The following CAMTA2 variants were observed in gnomAD, a reference collection of about 807,000 sequenced individuals.
CAMTA2 encodes calmodulin-binding transcription activator 2.
Under a neutral mutation model 135.7 loss-of-function variants are expected in CAMTA2, and 56 were observed. The ratio of observed to expected loss-of-function variants is 0.41; its 90% CI spans 0.33 to 0.52. CAMTA2 has a LOEUF of 0.52. Ranked by LOEUF, CAMTA2 falls within the 20% of genes least tolerant of loss-of-function variation. The probability of loss-of-function intolerance (pLI) is 0.16; values close to 1 mark genes in which losing one functional copy is unlikely to be tolerated. For missense variants in CAMTA2, 1,358 were observed against 1,553.4 expected (o/e 0.87, Z 2.11); for synonymous variants, 591 against 604.6 (o/e 0.98, Z 0.33).
rs1973041687 is a variant in CAMTA2, at chr17:4,982,799, G to A, written c.297C>T (p.Thr99=). The change falls in exon 5 of 23, where the codon ACC becomes ACT. Residue 99 remains threonine (T), a synonymous_variant. Coordinates refer to ENST00000348066, the MANE Select transcript of CAMTA2 (RefSeq NM_015099.4). Reference sequence around the variant, plus strand: ...TCAGCTTCATGTGGTCCTCTCGGGTGGTCTTCCCATCCTTCCGCTTCTTCC... The same window carrying A: ...TCAGCTTCATGTGGTCCTCTCGGGTAGTCTTCCCATCCTTCCGCTTCTTCC... ...YLWKKRKDGK[T]TREDHMKLKV... The A allele has an allele frequency of 6.2e-7, 1 of 1,614,008 alleles. No individual in the cohort carries two copies. The highest frequency in any genetic ancestry group is 8.5e-7 in the Non-Finnish European group (1 of 1,180,026).
At position 4,968,070 on chromosome 17, in the gene CAMTA2, C is replaced by T. The variant is rs1197179001; in HGVS notation, c.*686G>A. ...AAGTAGAAAGTGCCCGTGGAGCCGG[C>T]AGGAGGCCCCCGCCGCGCTAGAGAA... On this transcript the variant is annotated 3_prime_UTR_variant, in exon 23 of 23. Transcript: ENST00000348066. 2 of 511,630 alleles carry T rather than the reference C, an allele frequency of 3.9e-6. No homozygotes were observed. Among genetic ancestry groups the T allele is most frequent in the Non-Finnish European group, 7.0e-6 (2 of 285,848 alleles). The allele number at this position is 511,630 out of a possible 1,614,324, so 31.7% of individuals were successfully genotyped here.
intron 8 of CAMTA2, 97 bp downstream of exon 8, chr17:4,981,128 C>A: frequency 7.0e-7 from 1 of 1,425,752 alleles, no homozygotes; most frequent in South Asian, 1.3e-5. Context: ...ACTTGCAAAT[C>A]AGCATGCAAA....
At position 4,969,862 on chromosome 17, in the gene CAMTA2, T is replaced by G; in HGVS notation, c.3189+40A>C. Reference sequence around the variant, plus strand: ...CCCTGGGAGCCCAGTCTCCCCTGACTGGAGATTGTGTAATTCATCCTGAGA... The same window carrying G: ...CCCTGGGAGCCCAGTCTCCCCTGACGGGAGATTGTGTAATTCATCCTGAGA... On this transcript the variant is annotated intron_variant, in intron 18 of 22. Coordinates refer to ENST00000348066, the MANE Select transcript of CAMTA2 (RefSeq NM_015099.4). This position sits in a 1 kb window ranked among gnomAD's most constrained non-coding sequence, Gnocchi z 5.6. 6.2e-7 allele frequency: 1 copy of G among 1,607,564 alleles called. No individual in the cohort carries two copies. The highest frequency in any genetic ancestry group is 8.5e-7 in the Non-Finnish European group (1 of 1,174,678).
intron 11 of CAMTA2, among the ~76,000 whole-genome samples, chr17:4,976,360 T>C (rs1205981078): frequency 6.6e-6 from 1 of 150,972 alleles, no homozygotes; most frequent in African/African-American, 2.5e-5. Context: ...TTTCTGTTAA[T>C]GAACACGTCT....
chr17:4,978,336 T>C (rs1384269989), intron 10 of CAMTA2, among the ~76,000 whole-genome samples, 168 bp downstream of exon 10: 1 of 152,236 alleles, frequency 6.6e-6, no homozygotes, highest in African/African-American at 2.4e-5. Context: ...AAGTCTGGGC[T>C]CTTCTGCCTG....
rs973333822 is a variant in CAMTA2, at chr17:4,986,048, G to T, written c.32-65C>A. On this transcript the variant is annotated intron_variant, in intron 2 of 22. Coordinates refer to ENST00000348066, the MANE Select transcript of CAMTA2 (RefSeq NM_015099.4). ...GGGGCATCCCTGTGATAGTCCAAGG[G>T]GAAAGGGCTGAAGGCAATACAGAGC... 3.1e-6 allele frequency: 4 copies of T among 1,281,706 alleles called. No homozygotes were observed. The African/African-American group carries it at 5.8e-5, about 19-fold the overall frequency. The allele number at this position is 1,281,706 out of a possible 1,614,324, so 79.4% of individuals were successfully genotyped here.
At chr17:4,979,274 G>T (rs1400307094) in intron 9 of CAMTA2, 1 of 156,282 alleles carries the variant, frequency 6.4e-6, no homozygotes, top group African/African-American at 2.4e-5. Context: ...ACTTTGGGAG[G>T]CCGAGGCAGG....
chr17:4,987,384 C>A, intron 1 of CAMTA2: 1 of 1,366,730 alleles, frequency 7.3e-7, no homozygotes, highest in Non-Finnish European at 9.4e-7. Flanking sequence ...CGGGGGTCTC[C>A]GGGACAGTCC....
rs1472770458 is a variant in CAMTA2, at chr17:4,980,658, A to G, written c.701-37T>C. 3.2e-5 allele frequency: 49 copies of G among 1,511,132 alleles called. No homozygotes were observed. The highest frequency in any genetic ancestry group is 4.3e-5 in the Non-Finnish European group (47 of 1,089,036). 93.6% of individuals were successfully genotyped at this position (1,511,132 alleles called of 1,614,324 possible). A position where few individuals can be genotyped will look rare whatever the true frequency, so the allele number is the denominator to read the frequency against. On this transcript the variant is annotated intron_variant, in intron 8 of 22. Transcript: ENST00000348066. The surrounding 1 kb of genome is among the most constrained non-coding windows in gnomAD (Gnocchi z 5.3). The stretch of plus-strand genomic sequence containing the variant: ...AGGAGTAGGAGGGAGAGGAGATAAG[A>G]CACATCATTCCGCACCTTCTCTACC...
chr17:4,975,606 A>G (rs1222557197), intron 11 of CAMTA2, among the ~76,000 whole-genome samples: 1 of 152,202 alleles, frequency 6.6e-6, no homozygotes, highest in African/African-American at 2.4e-5. Flanking sequence ...GACTCAAGTC[A>G]GAGACAAGCA....
rs779051543 is a variant in CAMTA2, at chr17:4,973,268, A to G, written c.2202-15T>C. ...TCTCCACACTCCTGGAGGGTTTGGG[A>G]GAGAGACAGCAGAGCCCAATGAGGG... On this transcript the variant is annotated splice_polypyrimidine_tract_variant and intron_variant, in intron 13 of 22. Coordinates refer to ENST00000348066, the MANE Select transcript of CAMTA2 (RefSeq NM_015099.4). The G allele has an allele frequency of 3.1e-5, 50 of 1,606,646 alleles. 1 individual carries two copies. The highest frequency in any genetic ancestry group is 1.2e-4 in the South Asian group (11 of 90,934).
chr17:4,982,775 C>G lies in CAMTA2; in HGVS notation c.321G>C (p.Leu107=). 1 of 1,614,070 alleles carries G rather than the reference C, an allele frequency of 6.2e-7. No homozygotes were observed. Among genetic ancestry groups the G allele is most frequent in the Non-Finnish European group, 8.5e-7 (1 of 1,179,960 alleles). The change falls in exon 5 of 23, where the codon CTG becomes CTC. Residue 107 remains leucine (L), a synonymous_variant. Transcript: ENST00000348066. ...GKTTREDHMK[L]KVQGMECLYG... ...CTCTTACCTCCATGCCCTGGACCTT[C>G]AGCTTCATGTGGTCCTCTCGGGTGG...
At position 4,980,628 on chromosome 17, in the gene CAMTA2, T is replaced by A; in HGVS notation, c.701-7A>T. On this transcript the variant is annotated splice_polypyrimidine_tract_variant and splice_region_variant and intron_variant, in intron 8 of 22. Transcript: ENST00000348066. This position sits in a 1 kb window ranked among gnomAD's most constrained non-coding sequence, Gnocchi z 5.3. ...TGGGTAAGGCTCCCAGAACCTGGAG[T>A]GGAGAGGAGTAGGAGGGAGAGGAGA... 2 of 1,610,286 alleles carry A rather than the reference T, an allele frequency of 1.2e-6. No individual in the cohort carries two copies. Among genetic ancestry groups the A allele is most frequent in the Non-Finnish European group, 1.7e-6 (2 of 1,177,092 alleles).
chr17:4,986,631 G>A, intron 1 of CAMTA2: 1 of 520,076 alleles, frequency 1.9e-6, no homozygotes, highest in South Asian at 2.4e-5. Flanking sequence ...TGGGACTCAG[G>A]CCATCCGGTC....
rs753101222 is a variant in CAMTA2 at position 4,973,188 on chromosome 17, G to A, written c.2267C>T (p.Ser756Phe). Residue 756 changes from serine (S) to phenylalanine (F), a missense_variant, in exon 14 of 23, where the codon TCT (serine) becomes TTT (phenylalanine). Around this residue, in one of 4 missense-constraint regions of CAMTA2, gnomAD observed 1,077 missense variants for 1,127.5 expected, o/e 0.96. Coordinates refer to ENST00000348066, the MANE Select transcript of CAMTA2 (RefSeq NM_015099.4). ...EVDPLNVDHF[S>F]CTPLMWACAL... ...CGTCATCCTCACCAGAGGGGTGCAAGAGAAATGATCCACGTTGAGCGGGTC... is the reference window on the plus strand; with the variant it reads ...CGTCATCCTCACCAGAGGGGTGCAAAAGAAATGATCCACGTTGAGCGGGTC... The A allele has an allele frequency of 6.2e-7, 1 of 1,613,612 alleles. No individual in the cohort carries two copies. The highest frequency in any genetic ancestry group is 1.3e-5 in the African/African-American group (1 of 74,750).
chr17:4,984,158 G>A (rs1337958608), intron 3 of CAMTA2, among the ~76,000 whole-genome samples: 2 of 151,516 alleles, frequency 1.3e-5, no homozygotes, highest in Non-Finnish European at 2.9e-5. Context: ...CACTGTGTTA[G>A]CTAGGATGGT....
chr17:4,972,088 C>G (rs923763478), intron 16 of CAMTA2, 144 bp downstream of exon 16: 1 of 708,078 alleles, frequency 1.4e-6, no homozygotes, highest in South Asian at 1.8e-5. Context: ...AGGAGCTAAG[C>G]AAAAGGCTAC....
In CAMTA2 at chr17:4,974,378, G is replaced by A. The variant is rs1404483215; in HGVS notation, c.2016+7C>T. 1.4e-5 allele frequency: 22 copies of A among 1,582,050 alleles called. No homozygotes were observed. Among genetic ancestry groups the A allele is most frequent in the Non-Finnish European group, 1.7e-5 (19 of 1,151,176 alleles). ...ACCGTAGACCACCTCCCTCCTCACA[G>A]AAGTACCTGAACTGGAGGAGCATCA... On this transcript the variant is annotated splice_region_variant and intron_variant, in intron 12 of 22. Coordinates refer to ENST00000348066, the MANE Select transcript of CAMTA2 (RefSeq NM_015099.4).
chr17:4,980,473 G>C lies in CAMTA2; in HGVS notation c.849C>G (p.Leu283=). The C allele has an allele frequency of 6.2e-7, 1 of 1,612,910 alleles. No individual in the cohort carries two copies. The highest frequency in any genetic ancestry group is 8.5e-7 in the Non-Finnish European group (1 of 1,179,500). ...AAGATGGGGAGGTGTGTGCCTTGGG[G>C]AGCTCTGGGGGAAGTGGGGCTATCA... The part of the protein sequence containing the change: ...PPLIAPLPPE[L]PKAHTSPSSS... Residue 283 remains leucine, a synonymous_variant, in exon 9 of 23, where the codon CTC becomes CTG. Coordinates refer to ENST00000348066, the MANE Select transcript of CAMTA2 (RefSeq NM_015099.4). The surrounding 1 kb of genome is among the most constrained non-coding windows in gnomAD (Gnocchi z 5.3).
Sources: allele counts gnomAD v4.1 joint callset (sites outside exome capture counted in the v4.1 genomes callset), GRCh38; gene constraint gnomAD v4.1.1; regional missense constraint gnomAD v4.1.1; non-coding constraint Gnocchi (gnomAD v3.1); transcripts MANE v1.5; gene names NCBI Gene and HGNC (gene_info 2026-07-23, HGNC 2026-07-21).